Variants in NAALADL2 observed in about 807,000 individuals in gnomAD.
NAALADL2 encodes inactive N-acetylated-alpha-linked acidic dipeptidase-like protein 2.
A neutral mutation model predicts 87.2 loss-of-function variants in NAALADL2; 76 were observed. The ratio of observed to expected loss-of-function variants is 0.87; its 90% confidence interval spans 0.72 to 1.05. NAALADL2 has a LOEUF of 1.05. NAALADL2 is among the 50% of genes least tolerant of loss of function. The pLI, the probability that NAALADL2 is intolerant of heterozygous loss-of-function variation, is 0.00. For missense variants in NAALADL2, 1,089 were observed against 945.8 expected, an observed-to-expected ratio of 1.15 and a Z score of -1.99; for synonymous variants, 354 against 331.0, an observed-to-expected ratio of 1.07 and a Z score of -0.75.
At chr3:174,649,189 C>T (rs868465821) in intron 2 of NAALADL2, among the ~76,000 whole-genome samples, 1 of 151,836 alleles carries the variant, frequency 6.6e-6, no homozygotes, top group Non-Finnish European at 1.5e-5. Flanking sequence ...GTCTTGAACT[C>T]CTGACCTCAG....
At chr3:175,582,825 C>T (rs1255741283) in intron 10 of NAALADL2, among the ~76,000 whole-genome samples, 2 of 152,302 alleles carry the variant, frequency 1.3e-5, no homozygotes, top group Admixed American at 1.3e-4. Context: ...AACCAACACG[C>T]AGAACTGATT....
chr3:174,935,213 G>T (rs576986960), intron 1 of NAALADL2, among the ~76,000 whole-genome samples: 97 of 152,230 alleles, frequency 6.4e-4, no homozygotes, highest in African/African-American at 2.2e-3. Flanking sequence ...GACTCAGCAA[G>T]TGTTCTTCCA....
chr3:174,560,211 T>C (rs1464012120), intron 2 of NAALADL2, among the ~76,000 whole-genome samples: 1 of 152,222 alleles, frequency 6.6e-6, no homozygotes. Context: ...TTTTGATTTT[T>C]CCTGCTTTTA....
intron 1 of NAALADL2, among the ~76,000 whole-genome samples, chr3:175,026,407 G>A (rs1752230018): frequency 1.3e-5 from 2 of 151,214 alleles, no homozygotes; most frequent in South Asian, 2.1e-4. Flanking sequence ...AGCACTTTGG[G>A]AGGCTGAGGC....
At chr3:174,752,366 C>T (rs3860555) in intron 3 of NAALADL2, among the ~76,000 whole-genome samples, 64,534 of 151,894 alleles carry the variant, frequency 0.42, 14,166 homozygotes, top group African/African-American at 0.55. Flanking sequence ...ATCCATTTCT[C>T]CTATGTAAAT....
At chr3:175,032,341 T>C (rs972278435) in intron 1 of NAALADL2, among the ~76,000 whole-genome samples, 2 of 152,090 alleles carry the variant, frequency 1.3e-5, no homozygotes, top group African/African-American at 2.4e-5. Flanking sequence ...TTTTAACAAA[T>C]ACTAGTGCTA....
chr3:174,890,249 CAG>C (rs1250761545), intron 1 of NAALADL2, among the ~76,000 whole-genome samples: 10 of 152,204 alleles, frequency 6.6e-5, no homozygotes, highest in Middle Eastern at 3.4e-3. Flanking sequence ...GTATAAGGAA[CAG>C]GGTAAATTTG....
chr3:174,726,083 T>C (rs1169538114), intron 2 of NAALADL2, among the ~76,000 whole-genome samples: 1 of 152,126 alleles, frequency 6.6e-6, no homozygotes, highest in Admixed American at 6.6e-5. Flanking sequence ...CTACTCCCAT[T>C]AAGTCTGTGA....
chr3:174,775,248 T>G (rs1200671054), intron 3 of NAALADL2, among the ~76,000 whole-genome samples: 1 of 121,692 alleles, frequency 8.2e-6, no homozygotes, highest in Admixed American at 8.3e-5. Flanking sequence ...TAGAACATCT[T>G]TCTCACCTCC....
rs531553284 is a variant in NAALADL2, at chr3:175,350,123, C to T, written c.1090+25798C>T. On this transcript the variant is annotated intron_variant, in intron 5 of 13. Transcript: ENST00000454872. ...TTTCTTTCAATCAGAAAAGAATATT[C>T]TTGGCAATGTGTTTTTCCCTTGTTT... Among the ~76,000 whole-genome samples, 4 of 148,800 alleles carry T rather than the reference C, an allele frequency of 2.7e-5. No homozygotes were observed. In the South Asian group the frequency reaches 8.5e-4, roughly 31 times the overall value.
chr3:175,622,232 A>ATT, intron 10 of NAALADL2, among the ~76,000 whole-genome samples: 1 of 152,262 alleles, frequency 6.6e-6, no homozygotes, highest in Non-Finnish European at 1.5e-5. Flanking sequence ...CATTAATAAA[A>ATT]AGGCATTTAT....
chr3:175,358,774 T>C (rs1340772153), intron 5 of NAALADL2, among the ~76,000 whole-genome samples: 1 of 152,098 alleles, frequency 6.6e-6, no homozygotes, highest in Non-Finnish European at 1.5e-5. Flanking sequence ...CCATTCTAAA[T>C]AGCATATCTT....
chr3:175,027,939 T>A (rs1752402992), intron 1 of NAALADL2, among the ~76,000 whole-genome samples: 1 of 151,802 alleles, frequency 6.6e-6, no homozygotes, highest in Non-Finnish European at 1.5e-5. Context: ...TCGGTGGAAC[T>A]GACCTAAAGC....
intron 2 of NAALADL2, among the ~76,000 whole-genome samples, chr3:174,599,820 G>C (rs1718267189): frequency 1.3e-5 from 2 of 152,008 alleles, no homozygotes; most frequent in Admixed American, 6.6e-5. Flanking sequence ...CAAATCCCTG[G>C]TATTTGACCT....
At chr3:175,104,939 A>G (rs936474) in intron 2 of NAALADL2, among the ~76,000 whole-genome samples, 68,915 of 151,890 alleles carry the variant, frequency 0.45, 15,788 homozygotes, top group East Asian at 0.52. Context: ...ATGCAGAATG[A>G]CATTAATTGT....
intron 1 of NAALADL2, among the ~76,000 whole-genome samples, chr3:174,905,917 G>T (rs2108277361): frequency 6.6e-6 from 1 of 152,136 alleles, no homozygotes; most frequent in South Asian, 2.1e-4. Flanking sequence ...GTTGCACCTG[G>T]ATATTAATCT....
At chr3:175,195,947 G>T (rs1188667499) in intron 2 of NAALADL2, among the ~76,000 whole-genome samples, 1 of 151,876 alleles carries the variant, frequency 6.6e-6, no homozygotes, top group Non-Finnish European at 1.5e-5. Flanking sequence ...CTGATCTAGA[G>T]ACTGAATAAA....
Position 175,511,363 on chromosome 3 carries a change from G to A in NAALADL2, c.1653+39605G>A, listed in dbSNP as rs139378073. 5.4e-3 allele frequency among the ~76,000 whole-genome samples: 816 copies of A among 152,278 alleles called. 5 individuals are homozygous for A. The highest frequency in any genetic ancestry group is 0.027 in the Middle Eastern group (8 of 292). ...TGATTAAGTTAAAATGAGGCTGTCAGCCTAGGTTCTAATTCAATCTGACTG... is the reference window on the plus strand; with the variant it reads ...TGATTAAGTTAAAATGAGGCTGTCAACCTAGGTTCTAATTCAATCTGACTG... On this transcript the variant is annotated intron_variant, in intron 9 of 13. Coordinates refer to ENST00000454872, the MANE Select transcript of NAALADL2 (RefSeq NM_207015.3).
intron 3 of NAALADL2, among the ~76,000 whole-genome samples, chr3:174,793,786 T>C (rs2140284): frequency 6.6e-6 from 1 of 151,982 alleles, no homozygotes; most frequent in Non-Finnish European, 1.5e-5. Context: ...TTGAAAAAAG[T>C]TTTATGTTAG....
Sources: allele counts gnomAD v4.1 joint callset (sites outside exome capture counted in the v4.1 genomes callset), GRCh38; gene constraint gnomAD v4.1.1; transcripts MANE v1.5; gene names NCBI Gene and HGNC (gene_info 2026-07-23, HGNC 2026-07-21).